Variants in MTFR1 observed in about 807,000 individuals in gnomAD.
The protein encoded by MTFR1 is mitochondrial fission regulator 1, also known as chondrocyte protein with a poly-proline region.
In MTFR1, 28 loss-of-function variants were observed where a neutral mutation model predicts 38.8. The ratio of observed to expected loss-of-function variants is 0.72; its 90% CI spans 0.53 to 0.99. The LOEUF is 0.99. Among genes scored for constraint, MTFR1 ranks in the 50% least tolerant of loss-of-function variants. MTFR1 has a pLI of 0.00. For missense variants in MTFR1, 358 were observed against 395.5 expected (o/e 0.91, Z 0.81); for synonymous variants, 145 against 137.0 (o/e 1.06, Z -0.41).
intron 3 of MTFR1, among the ~76,000 whole-genome samples, chr8:65,753,754 C>G (rs2128909826): frequency 6.6e-6 from 1 of 152,230 alleles, no homozygotes; most frequent in African/African-American, 2.4e-5. Flanking sequence ...TTGTCTCTCT[C>G]TTAAATTCTG....
chr8:65,653,491 A>G (rs958502967), intron 1 of MTFR1, among the ~76,000 whole-genome samples: 6 of 151,858 alleles, frequency 4.0e-5, no homozygotes, highest in African/African-American at 1.5e-4. Context: ...CAGCCTGGGC[A>G]ACAGAGCAAG....
intron 3 of MTFR1, among the ~76,000 whole-genome samples, chr8:65,765,846 G>GT (rs1396066587): frequency 6.6e-6 from 1 of 152,176 alleles, no homozygotes; most frequent in Non-Finnish European, 1.5e-5. Flanking sequence ...ATTCTTTAAT[G>GT]TTTAAGACAT....
intron 4 of MTFR1, among the ~76,000 whole-genome samples, chr8:65,702,630 G>C (rs1464417244): frequency 6.6e-6 from 1 of 152,084 alleles, no homozygotes; most frequent in Non-Finnish European, 1.5e-5. Context: ...TAGGACAATA[G>C]AGTATGTTTT....
chr8:65,769,714 A>G (rs1321090434), intron 3 of MTFR1, among the ~76,000 whole-genome samples: 1 of 152,004 alleles, frequency 6.6e-6, no homozygotes, highest in Admixed American at 6.5e-5. Context: ...TGGCCAACAT[A>G]GTGAAACCCC....
intron 3 of MTFR1, among the ~76,000 whole-genome samples, chr8:65,691,784 G>A (rs898395073): frequency 6.6e-6 from 1 of 151,974 alleles, no homozygotes; most frequent in South Asian, 2.1e-4. Context: ...CTAGTGGCTC[G>A]GGTTACAGGC....
downstream of MTFR1, among the ~76,000 whole-genome samples, chr8:65,775,880 C>T (rs572145492): frequency 7.6e-4 from 115 of 152,260 alleles, 1 homozygote; most frequent in East Asian, 7.7e-4. Flanking sequence ...CCACCTGCCT[C>T]GGCTTTCCAA....
At chr8:65,741,556 A>T (rs191674103) in intron 3 of MTFR1, among the ~76,000 whole-genome samples, 1 of 152,362 alleles carries the variant, frequency 6.6e-6, no homozygotes, top group Non-Finnish European at 1.5e-5. Context: ...TACCTGACGT[A>T]TCACCTTCAT....
chr8:65,645,176 C>T lies in MTFR1; in HGVS notation c.-81+392C>T, dbSNP rs1182028782. Among the ~76,000 whole-genome samples the T allele has an allele frequency of 3.3e-5, 5 of 152,232 alleles. No individual in the cohort carries two copies. The South Asian group carries it at 8.3e-4, about 25-fold the overall frequency. On this transcript the variant is annotated intron_variant, in intron 1 of 7. Transcript: ENST00000262146. The stretch of plus-strand genomic sequence containing the variant: ...GTCCTGGGGAGACCGCCCTTCGCGG[C>T]GGCTCCCTTGGGTGCTGCGCCCTTA...
intron 3 of MTFR1, among the ~76,000 whole-genome samples, chr8:65,729,981 A>G (rs2128894797): frequency 6.6e-6 from 1 of 151,794 alleles, no homozygotes; most frequent in African/African-American, 2.4e-5. Context: ...GGGCTCCTCA[A>G]TCCCCAGGCC....
intron 3 of MTFR1, among the ~76,000 whole-genome samples, chr8:65,730,122 A>G (rs907149749): frequency 2.0e-5 from 3 of 147,358 alleles, no homozygotes; most frequent in African/African-American, 7.5e-5. Flanking sequence ...TCATAGGAGC[A>G]CAAACCCTAT....
intron 3 of MTFR1, among the ~76,000 whole-genome samples, chr8:65,766,778 C>T (rs943314209): frequency 9.2e-5 from 14 of 152,130 alleles, no homozygotes; most frequent in Middle Eastern, 3.2e-3. Context: ...AACAGGTTAA[C>T]GTTAGCTGAA....
chr8:65,661,893 G>T (rs1364477659), intron 1 of MTFR1, among the ~76,000 whole-genome samples: 1 of 152,090 alleles, frequency 6.6e-6, no homozygotes, highest in Non-Finnish European at 1.5e-5. Context: ...GAACTCGAGA[G>T]GTGGAGAATG....
chr8:65,657,939 C>A (rs1809312436), intron 1 of MTFR1, among the ~76,000 whole-genome samples: 1 of 152,106 alleles, frequency 6.6e-6, no homozygotes, highest in Non-Finnish European at 1.5e-5. Context: ...GTATCATAGT[C>A]CTTATTTTTA....
chr8:65,730,048 C>T lies in MTFR1; in HGVS notation c.*48+10567C>T, dbSNP rs550174378. 2.6e-5 allele frequency among the ~76,000 whole-genome samples: 4 copies of T among 151,982 alleles called. No individual in the cohort carries two copies. The South Asian group carries it at 6.2e-4, about 24-fold the overall frequency. ...AACCTGAGAGGAACCAGGTGCACAG[C>T]AGGAGGTGAGCTGCCAGCCAGTGAG... is the stretch of plus-strand genomic sequence containing the variant. On this transcript the variant is annotated intron_variant, in intron 3 of 3. Transcript: ENST00000521247.
At chr8:65,647,965 A>G (rs148200376) in intron 1 of MTFR1, among the ~76,000 whole-genome samples, 56 of 152,246 alleles carry the variant, frequency 3.7e-4, no homozygotes, top group African/African-American at 1.3e-3. Flanking sequence ...CTACTGACGT[A>G]CTATGCCTAT....
intron 3 of MTFR1, chr8:65,722,173 T>C (rs898217708): frequency 1.3e-5 from 2 of 152,216 alleles, no homozygotes; most frequent in East Asian, 1.9e-4. Flanking sequence ...TGGTTCTAAA[T>C]TGTTTTACTA....
At chr8:65,769,424 T>C (rs1808966024) in intron 3 of MTFR1, among the ~76,000 whole-genome samples, 1 of 152,174 alleles carries the variant, frequency 6.6e-6, no homozygotes, top group South Asian at 2.1e-4. Context: ...TGAGAGCATA[T>C]TTGTACCAGA....
At chr8:65,698,209 C>T (rs1312981979) in intron 4 of MTFR1, among the ~76,000 whole-genome samples, 7 of 149,220 alleles carry the variant, frequency 4.7e-5, no homozygotes, top group Admixed American at 6.8e-5. Flanking sequence ...AGTGCAGTGG[C>T]ATGATCATAG....
At chr8:65,754,676 C>A in intron 3 of MTFR1, among the ~76,000 whole-genome samples, 1 of 148,998 alleles carries the variant, frequency 6.7e-6, no homozygotes, top group African/African-American at 2.4e-5. Context: ...TTCTTTAATT[C>A]TTCCATTAGG....
Sources: allele counts gnomAD v4.1 joint callset (sites outside exome capture counted in the v4.1 genomes callset), GRCh38; gene constraint gnomAD v4.1.1; transcripts MANE v1.5; gene names NCBI Gene and HGNC (gene_info 2026-07-23, HGNC 2026-07-21).